ACTN4: variants seen among roughly 807,000 people sequenced by gnomAD.
ACTN4 encodes the protein actinin alpha 4.
A neutral mutation model predicts 114.2 loss-of-function variants in ACTN4; 18 were observed. The observed-to-expected ratio is 0.16, with a 90% confidence interval of 0.11 to 0.23. ACTN4 has a LOEUF of 0.23. Ranked by LOEUF, ACTN4 falls within the 10% of genes least tolerant of loss-of-function variation. The pLI is 1.00. For synonymous variants in ACTN4, 515 were observed against 506.3 expected, an observed-to-expected ratio of 1.02 and a Z score of -0.23; for missense variants, 722 against 1,262.9, an observed-to-expected ratio of 0.57 and a Z score of 6.49.
In ACTN4 at chr19:38,727,097, C is replaced by T. The variant is rs539072997; in HGVS notation, c.2331C>T (p.Phe777=). ...MQEFRASFNH[F]DKDHGGALGP... is the part of the protein sequence containing the mutation. ...AGTTCCGGGCGTCCTTCAACCACTT[C>T]GACAAGGTGAGCAGCCTGCCACCTC... The change falls in exon 18 of 21, where the codon TTC becomes TTT. Residue 777 remains phenylalanine (F), a synonymous_variant. Transcript: ENST00000252699. This position sits in a 1 kb window ranked among gnomAD's most constrained non-coding sequence, Gnocchi z 5.4. The T allele has an allele frequency of 1.1e-5, 18 of 1,613,972 alleles. No homozygotes were observed. The highest frequency in any genetic ancestry group is 3.3e-5 in the South Asian group (3 of 91,080).
chr19:38,675,200 G>A (rs1183106355), intron 1 of ACTN4, among the ~76,000 whole-genome samples: 1 of 152,192 alleles, frequency 6.6e-6, no homozygotes, highest in Non-Finnish European at 1.5e-5. Flanking sequence ...GAAATCGGAG[G>A]TCTGAAACCA....
At position 38,672,848 on chromosome 19, in the gene ACTN4, C is replaced by G. The variant is rs1414865612; in HGVS notation, c.162+24941C>G. 2.6e-5 allele frequency among the ~76,000 whole-genome samples: 4 copies of G among 152,244 alleles called. 1 individual carries two copies. The highest frequency in any genetic ancestry group is 6.8e-3 in the Middle Eastern group (2 of 294). ...TTGGCCTCCCAAAGTGTTGGGATTA[C>G]AGGCGTGAGCCACCATGCCCGGCCC... is the stretch of plus-strand genomic sequence containing the variant. On this transcript the variant is annotated intron_variant, in intron 1 of 20. Coordinates refer to ENST00000252699, the MANE Select transcript of ACTN4 (RefSeq NM_004924.6).
Position 38,730,148 on chromosome 19 carries a change from C to CAAAAACAAAAAAACTATA in ACTN4, c.*722_*739dup. On this transcript the variant is annotated 3_prime_UTR_variant, in exon 21 of 21. Transcript: ENST00000252699. ...CAAAAACCAAAAAAAAAAAAAATCA[C>CAAAAACAAAAAAACTATA]AAAAACAAAAAAACTATAAAAAAGA... is the stretch of plus-strand genomic sequence containing the variant. The CAAAAACAAAAAAACTATA allele has an allele frequency of 7.3e-6, 1 of 137,726 alleles. No homozygotes were observed. Among genetic ancestry groups the CAAAAACAAAAAAACTATA allele is most frequent in the East Asian group, 2.2e-4 (1 of 4,568 alleles). The allele number at this position is 137,726 out of a possible 1,614,324, so 8.5% of individuals were successfully genotyped here. A position where few individuals can be genotyped will look rare whatever the true frequency, so the allele number is the denominator to read the frequency against.
In ACTN4 at chr19:38,721,152, C is replaced by T. The variant is rs192666432; in HGVS notation, c.1292-386C>T. On this transcript the variant is annotated intron_variant, in intron 11 of 20. Transcript: ENST00000252699. ...TTCCCCTTCCCCAAGCCTGCTGGGA[C>T]ATGGGCTTTGACCCCGGGTGCTTCT... is the stretch of plus-strand genomic sequence containing the variant. Among the ~76,000 whole-genome samples, 95 of 152,352 alleles carry T rather than the reference C, an allele frequency of 6.2e-4. 1 individual carries two copies. Among genetic ancestry groups the T allele is most frequent in the African/African-American group, 2.1e-3 (89 of 41,590 alleles).
intron 11 of ACTN4, 87 bp downstream of exon 11, chr19:38,718,161 GC>G: frequency 1.4e-5 from 21 of 1,545,900 alleles, no homozygotes; most frequent in Non-Finnish European, 1.8e-5. Context: ...TGCACACACA[GC>G]CCCCTGCCAC....
At chr19:38,648,574 G>A (rs1243017160) in intron 1 of ACTN4, among the ~76,000 whole-genome samples, 6 of 151,886 alleles carry the variant, frequency 4.0e-5, no homozygotes, top group Non-Finnish European at 8.8e-5. Flanking sequence ...TAGGGTGTGA[G>A]GAGGGTAGAG....
At chr19:38,723,569 C>A in intron 12 of ACTN4, 45 bp from the exon 13 acceptor site, 2 of 1,449,964 alleles carry the variant, frequency 1.4e-6, no homozygotes, top group Non-Finnish European at 1.9e-6. Context: ...ATCCATCTAG[C>A]CACTTGCCCT....
At chr19:38,681,000 C>T (rs1483748039) in intron 1 of ACTN4, among the ~76,000 whole-genome samples, 1 of 151,850 alleles carries the variant, frequency 6.6e-6, no homozygotes, top group Admixed American at 6.6e-5. Flanking sequence ...GTGGTATGTG[C>T]CTGTAATCCC....
intron 1 of ACTN4, among the ~76,000 whole-genome samples, chr19:38,676,139 C>CG (rs5828014): frequency 0.059 from 9,047 of 152,118 alleles, 288 homozygotes; most frequent in South Asian, 0.11. Flanking sequence ...AGTTGAGGGA[C>CG]GAGGCATCTG....
chr19:38,673,617 TTATA>T (rs1336521803), intron 1 of ACTN4, among the ~76,000 whole-genome samples: 2 of 67,384 alleles, frequency 3.0e-5, no homozygotes, highest in East Asian at 3.7e-4. Flanking sequence ...TCATTTATAT[TTATA>T]TATATTCATA....
intron 11 of ACTN4, 59 bp downstream of exon 11, chr19:38,718,133 C>CT (rs1426324146): frequency 2.6e-6 from 4 of 1,561,118 alleles, no homozygotes; most frequent in Admixed American, 1.9e-5. Context: ...CCTCCTGTCT[C>CT]TCAGGCATGC....
At chr19:38,679,177 AG>A (rs1967469597) in intron 1 of ACTN4, among the ~76,000 whole-genome samples, 1 of 152,180 alleles carries the variant, frequency 6.6e-6, no homozygotes, top group South Asian at 2.1e-4. Context: ...TTTATGTGTA[AG>A]CCTTTCCTTG....
chr19:38,701,725 C>G (rs1315326121), intron 3 of ACTN4, among the ~76,000 whole-genome samples: 1 of 152,236 alleles, frequency 6.6e-6, no homozygotes, highest in East Asian at 1.9e-4. Context: ...GCAGCAGGCT[C>G]TCAGCAGGGG....
chr19:38,703,192 T>G (rs1968341398), intron 3 of ACTN4, among the ~76,000 whole-genome samples: 1 of 151,786 alleles, frequency 6.6e-6, no homozygotes, highest in Admixed American at 6.6e-5. Flanking sequence ...TTACTGAGGC[T>G]GAAGAAGGTG....
rs149547696 is a variant in ACTN4 at position 38,658,997 on chromosome 19, G to A, written c.162+11090G>A. Among the ~76,000 whole-genome samples, 1,229 of 151,872 alleles carry A rather than the reference G, an allele frequency of 8.1e-3. 10 individuals carry two copies. The highest frequency in any genetic ancestry group is 0.051 in the Middle Eastern group (15 of 294). Reference sequence around the variant, plus strand: ...AAATACCTAGACCGGTTAGGGGAGGGCCTTCTTGGCCATTTTTTGAACTAA... The same window carrying A: ...AAATACCTAGACCGGTTAGGGGAGGACCTTCTTGGCCATTTTTTGAACTAA... On this transcript the variant is annotated intron_variant, in intron 1 of 20. Coordinates refer to ENST00000252699, the MANE Select transcript of ACTN4 (RefSeq NM_004924.6).
intron 12 of ACTN4, among the ~76,000 whole-genome samples, chr19:38,723,170 C>T (rs1016887025): frequency 6.6e-6 from 1 of 152,158 alleles, no homozygotes; most frequent in Non-Finnish European, 1.5e-5. Context: ...GGAGCCCAGG[C>T]CCCCAGCCCT....
intron 1 of ACTN4, among the ~76,000 whole-genome samples, chr19:38,674,537 A>T (rs770803078): frequency 3.9e-4 from 59 of 152,202 alleles, no homozygotes; most frequent in Non-Finnish European, 7.5e-4. Context: ...AACACAGCTC[A>T]TTAAAGCAGA....
intron 1 of ACTN4, among the ~76,000 whole-genome samples, chr19:38,700,016 C>T (rs1217235039): frequency 6.6e-6 from 1 of 152,262 alleles, no homozygotes; most frequent in East Asian, 1.9e-4. Context: ...TGTATCTGTG[C>T]ACGTGATTGG....
At chr19:38,708,274 C>T (rs1057081035) in intron 6 of ACTN4, 79 bp downstream of exon 6, 10 of 1,480,178 alleles carry the variant, frequency 6.8e-6, no homozygotes, top group Non-Finnish European at 9.4e-6. Flanking sequence ...CATCCCCATG[C>T]CCTTCCATCG....
Sources: allele counts gnomAD v4.1 joint callset (sites outside exome capture counted in the v4.1 genomes callset), GRCh38; gene constraint gnomAD v4.1.1; non-coding constraint Gnocchi (gnomAD v3.1); transcripts MANE v1.5; gene names NCBI Gene and HGNC (gene_info 2026-07-23, HGNC 2026-07-21).